XNDC1N: variants seen among roughly 807,000 people sequenced by gnomAD.
XNDC1N encodes protein XNDC1N.
the XNDC1N span, among the ~76,000 whole-genome samples, chr11:71,915,579 A>G: frequency 6.6e-6 from 1 of 152,220 alleles, no homozygotes; most frequent in Admixed American, 6.5e-5. Flanking sequence ...AACCTGGAAC[A>G]TCTCCAAGGT....
chr11:71,886,789 G>C, the XNDC1N span, among the ~76,000 whole-genome samples: 52 of 152,216 alleles, frequency 3.4e-4, no homozygotes, highest in South Asian at 6.6e-3. Flanking sequence ...GCAGTAAGCC[G>C]TAAGGAAAAC....
At chr11:71,895,881 A>G in the XNDC1N span, among the ~76,000 whole-genome samples, 10 of 152,232 alleles carry the variant, frequency 6.6e-5, no homozygotes, top group Admixed American at 5.9e-4. Flanking sequence ...ACTCCTCTCC[A>G]CTGCAGACAA....
At chr11:71,895,567 T>A in the XNDC1N span, among the ~76,000 whole-genome samples, 95 of 150,418 alleles carry the variant, frequency 6.3e-4, no homozygotes, top group African/African-American at 2.1e-3. Flanking sequence ...CCTCAGGTGA[T>A]CCGCCCGCTT....
At chr11:71,905,489 G>C in the XNDC1N span, among the ~76,000 whole-genome samples, 2 of 151,914 alleles carry the variant, frequency 1.3e-5, no homozygotes, top group Non-Finnish European at 2.9e-5. Flanking sequence ...CATCTCCCTA[G>C]GATATTTCGA....
the XNDC1N span, chr11:71,923,548 C>A: frequency 7.4e-6 from 4 of 541,690 alleles, no homozygotes; most frequent in African/African-American, 2.0e-5. Context: ...GCAGTCAGTT[C>A]ATTTCTGTTT....
At chr11:71,909,954 C>G in the XNDC1N span, among the ~76,000 whole-genome samples, 1 of 152,052 alleles carries the variant, frequency 6.6e-6, no homozygotes, top group Non-Finnish European at 1.5e-5. Flanking sequence ...CTGAGCCGGG[C>G]CAAGAGAGAA....
chr11:71,916,052 C>T, the XNDC1N span: 1 of 690,438 alleles, frequency 1.4e-6, no homozygotes, highest in Non-Finnish European at 2.6e-6. Flanking sequence ...ACATTAAATC[C>T]TCACTCCATC....
the XNDC1N span, among the ~76,000 whole-genome samples, chr11:71,871,616 C>A: frequency 6.6e-6 from 1 of 152,128 alleles, no homozygotes; most frequent in Non-Finnish European, 1.5e-5. Context: ...TAAATCATAA[C>A]ATCACTTTGT....
the XNDC1N span, among the ~76,000 whole-genome samples, chr11:71,899,877 CCT>C: frequency 4.2e-3 from 647 of 152,262 alleles, 2 homozygotes; most frequent in African/African-American, 0.015. Flanking sequence ...GCCCCTGTCT[CCT>C]GCCTGCCCCT....
At chr11:71,894,570 A>G in the XNDC1N span, 99 of 154,368 alleles carry the variant, frequency 6.4e-4, no homozygotes, top group African/African-American at 2.2e-3. Context: ...TTTAACTGGA[A>G]TGGGTGAGGA....
At chr11:71,905,976 T>C in the XNDC1N span, among the ~76,000 whole-genome samples, 1 of 151,866 alleles carries the variant, frequency 6.6e-6, no homozygotes, top group Non-Finnish European at 1.5e-5. Flanking sequence ...CCCTACAATA[T>C]TGGGAGCAAT....
At chr11:71,903,292 GTGC>G in the XNDC1N span, 4 of 1,371,928 alleles carry the variant, frequency 2.9e-6, no homozygotes, top group Non-Finnish European at 4.2e-6. Context: ...TCCTGTCCAT[GTGC>G]CTGGTCACGG....
chr11:71,870,769 AC>A, the XNDC1N span, among the ~76,000 whole-genome samples: 1 of 152,168 alleles, frequency 6.6e-6, no homozygotes, highest in African/African-American at 2.4e-5. Context: ...TGACCAATAA[AC>A]ATATGAAAAA....
the XNDC1N span, among the ~76,000 whole-genome samples, chr11:71,898,049 T>A: frequency 6.6e-6 from 1 of 152,040 alleles, no homozygotes; most frequent in African/African-American, 2.4e-5. Flanking sequence ...ACGAGCGTGG[T>A]GGCGTGTGCC....
At chr11:71,919,931 T>TCC in the XNDC1N span, among the ~76,000 whole-genome samples, 1 of 49,104 alleles carries the variant, frequency 2.0e-5, no homozygotes, top group Non-Finnish European at 3.7e-5. Context: ...GCAGGCCTCT[T>TCC]TTTTTTTTTT....
chr11:71,928,593 G>A, the XNDC1N span: 6 of 702,400 alleles, frequency 8.5e-6, no homozygotes, highest in Non-Finnish European at 1.3e-5. Flanking sequence ...ACATTTCCGT[G>A]TGTTTTAATA....
At chr11:71,891,362 C>A in the XNDC1N span, among the ~76,000 whole-genome samples, 1 of 151,738 alleles carries the variant, frequency 6.6e-6, no homozygotes, top group African/African-American at 2.4e-5. Flanking sequence ...GGGGTGTGTT[C>A]ACCCCCTGCG....
At chr11:71,877,505 A>T in the XNDC1N span, among the ~76,000 whole-genome samples, 1 of 152,174 alleles carries the variant, frequency 6.6e-6, no homozygotes, top group Non-Finnish European at 1.5e-5. Context: ...AGGCATGGAG[A>T]CGTGTGCCTG....
the XNDC1N span, among the ~76,000 whole-genome samples, chr11:71,870,704 A>G: frequency 4.7e-4 from 72 of 152,342 alleles, no homozygotes; most frequent in African/African-American, 1.7e-3. Context: ...CAAATAGTCC[A>G]ATTAAAAAAT....
Sources: allele counts gnomAD v4.1 joint callset (sites outside exome capture counted in the v4.1 genomes callset), GRCh38; gene constraint gnomAD v4.1.1; transcripts MANE v1.5; gene names NCBI Gene and HGNC (gene_info 2026-07-23, HGNC 2026-07-21).